DGKG: variants seen among roughly 807,000 people sequenced by gnomAD.
DGKG encodes diacylglycerol kinase gamma, also known as DAG kinase gamma.
DGKG carries 78 observed loss-of-function variants against 105.3 expected under a neutral mutation model. That is an observed-to-expected ratio of 0.74 (90% CI 0.62 to 0.89). The LOEUF (loss-of-function observed/expected upper bound fraction) is 0.89, where lower values mean the gene tolerates loss of function less well. DGKG is among the 40% of genes least tolerant of loss of function. DGKG has a pLI of 0.00. For missense variants in DGKG, 958 were observed against 1,020.1 expected (o/e 0.94, Z 0.83); for synonymous variants, 346 against 367.1 (o/e 0.94, Z 0.66).
At chr3:186,261,910 T>C in intron 14 of DGKG, 132 bp from the exon 15 acceptor site, 1 of 608,952 alleles carries the variant, frequency 1.6e-6, no homozygotes. Flanking sequence ...GTTTTTCCAC[T>C]GGCTGAATTT....
chr3:186,189,730 T>C (rs1717814888), intron 21 of DGKG, among the ~76,000 whole-genome samples: 1 of 152,220 alleles, frequency 6.6e-6, no homozygotes, highest in African/African-American at 2.4e-5. Context: ...CATTATGTTA[T>C]CTTGTTTCCC....
chr3:186,202,917 G>C (rs1162286458), intron 21 of DGKG, among the ~76,000 whole-genome samples: 1 of 152,168 alleles, frequency 6.6e-6, no homozygotes, highest in Middle Eastern at 3.2e-3. Context: ...AAAGTAGATA[G>C]AGCCAGGAGT....
intron 1 of DGKG, among the ~76,000 whole-genome samples, chr3:186,333,531 T>C (rs893766256): frequency 3.3e-5 from 5 of 152,230 alleles, no homozygotes; most frequent in Non-Finnish European, 7.3e-5. Flanking sequence ...TTATATTCCC[T>C]GCAGAATTTT....
At chr3:186,159,312 A>G (rs964660620) in intron 24 of DGKG, 10 of 152,000 alleles carry the variant, frequency 6.6e-5, no homozygotes, top group Non-Finnish European at 1.0e-4. Context: ...TTGTCTACCT[A>G]TTAAAATTAT....
chr3:186,330,974 T>G (rs185745987), intron 1 of DGKG, among the ~76,000 whole-genome samples: 5 of 152,364 alleles, frequency 3.3e-5, no homozygotes, highest in Admixed American at 3.3e-4. Context: ...GTTATGCATG[T>G]GTCTATTTGG....
intron 19 of DGKG, 149 bp from the exon 20 acceptor site, chr3:186,242,717 G>A (rs1012703914): frequency 1.7e-6 from 1 of 591,936 alleles, no homozygotes; most frequent in Non-Finnish European, 2.9e-6. Context: ...CATCCGCGGA[G>A]CCAACAGAGG....
intron 21 of DGKG, 120 bp downstream of exon 21, chr3:186,211,675 C>T: frequency 1.4e-6 from 1 of 727,258 alleles, no homozygotes; most frequent in South Asian, 1.6e-5. Context: ...GATGGAGAAA[C>T]AACAGAGACT....
chr3:186,221,024 C>T (rs377109048), intron 20 of DGKG, among the ~76,000 whole-genome samples: 30 of 152,300 alleles, frequency 2.0e-4, no homozygotes, highest in African/African-American at 6.5e-4. Context: ...CACGTGTGCA[C>T]GTGCGGGCAC....
At chr3:186,286,185 C>T (rs1328993270) in intron 6 of DGKG, among the ~76,000 whole-genome samples, 2 of 152,138 alleles carry the variant, frequency 1.3e-5, no homozygotes, top group Admixed American at 1.3e-4. Context: ...TGGTCAAAGT[C>T]AAAGTCCTTT....
intron 21 of DGKG, among the ~76,000 whole-genome samples, chr3:186,209,799 A>G (rs763086423): frequency 2.0e-5 from 3 of 152,018 alleles, no homozygotes; most frequent in Non-Finnish European, 4.4e-5. Flanking sequence ...AAGGCACAGG[A>G]CCATTCACCG....
intron 1 of DGKG, among the ~76,000 whole-genome samples, chr3:186,331,875 A>G (rs982294474): frequency 6.6e-6 from 1 of 152,228 alleles, no homozygotes; most frequent in Non-Finnish European, 1.5e-5. Flanking sequence ...TGCAAACTTC[A>G]TCTGTAATAG....
At chr3:186,292,187 T>C (rs1428479841) in intron 5 of DGKG, among the ~76,000 whole-genome samples, 1 of 152,220 alleles carries the variant, frequency 6.6e-6, no homozygotes, top group Non-Finnish European at 1.5e-5. Flanking sequence ...TGGGCAGACC[T>C]GACTTGTTCC....
chr3:186,188,170 A>G (rs763013531), intron 22 of DGKG, 32 bp downstream of exon 22: 15 of 1,612,510 alleles, frequency 9.3e-6, no homozygotes, highest in African/African-American at 1.3e-5. Flanking sequence ...CTGGGCATTG[A>G]CCTAAAACAA....
At chr3:186,268,982 G>T in intron 11 of DGKG, 65 bp from the exon 12 acceptor site, 1 of 1,157,094 alleles carries the variant, frequency 8.6e-7, no homozygotes. Flanking sequence ...GCCCTGGGCT[G>T]GAGGAGAAGG....
chr3:186,275,768 T>C (rs1008121844), intron 9 of DGKG, 104 bp from the exon 10 acceptor site: 4 of 700,206 alleles, frequency 5.7e-6, no homozygotes, highest in East Asian at 2.9e-5. Flanking sequence ...ATTTAGAAGA[T>C]GAGTTATTGA....
In DGKG at chr3:186,239,366, T is replaced by C. The variant is rs563550313; in HGVS notation, c.1826+3138A>G. Among the ~76,000 whole-genome samples the C allele has an allele frequency of 6.6e-5, 10 of 152,370 alleles. No individual in the cohort carries two copies. In the South Asian group the frequency reaches 2.1e-3, roughly 32 times the overall value. On this transcript the variant is annotated intron_variant, in intron 20 of 24. Coordinates refer to ENST00000265022, the MANE Select transcript of DGKG (RefSeq NM_001346.3). Reference sequence around the variant, plus strand: ...TTCAGCTGAGTAAAATAGGCCTTGTTTGATAATGCCGTTTACATTTCCAAA... The same window carrying C: ...TTCAGCTGAGTAAAATAGGCCTTGTCTGATAATGCCGTTTACATTTCCAAA...
intron 2 of DGKG, among the ~76,000 whole-genome samples, chr3:186,318,729 T>G (rs887709803): frequency 6.6e-6 from 1 of 152,186 alleles, no homozygotes; most frequent in Non-Finnish European, 1.5e-5. Context: ...GATGGATCCC[T>G]TCTCCACAGC....
chr3:186,194,919 C>T (rs373079460), intron 21 of DGKG, among the ~76,000 whole-genome samples: 1 of 151,242 alleles, frequency 6.6e-6, no homozygotes, highest in Admixed American at 6.6e-5. Context: ...GCCTGGCCAA[C>T]ATGGCGAAAC....
rs1234607216 is a variant in DGKG, at chr3:186,284,658, A to C, written c.594+2T>G. 6.2e-7 allele frequency: 1 copy of C among 1,613,106 alleles called. No individual in the cohort carries two copies. The highest frequency in any genetic ancestry group is 1.3e-5 in the African/African-American group (1 of 74,898). On this transcript the variant is annotated splice_donor_variant, in intron 7 of 24. Transcript: ENST00000265022. LOFTEE classifies it high-confidence loss of function. This position sits in a 1 kb window ranked among gnomAD's most constrained non-coding sequence, Gnocchi z 4.0. ...TGAGGGATATTTAGAGTGAGAACTT[A>C]CCGCTTGGTCCAGGAGACCGTTCTC...
Sources: allele counts gnomAD v4.1 joint callset (sites outside exome capture counted in the v4.1 genomes callset), GRCh38; gene constraint gnomAD v4.1.1; non-coding constraint Gnocchi (gnomAD v3.1); transcripts MANE v1.5; gene names NCBI Gene and HGNC (gene_info 2026-07-23, HGNC 2026-07-21).